The following ADAMTSL1 variants were observed in gnomAD, a reference collection of about 807,000 sequenced individuals.
ADAMTSL1 encodes ADAMTS-like protein 1.
Under a neutral mutation model 201.8 loss-of-function variants are expected in ADAMTSL1, and 126 were observed. The observed-to-expected ratio is 0.62, with a 90% CI of 0.54 to 0.72. The LOEUF is 0.72. ADAMTSL1 is among the 30% of genes least tolerant of loss of function. The pLI is 0.00. For synonymous variants in ADAMTSL1, 1,121 were observed against 903.4 expected, an observed-to-expected ratio of 1.24 and a Z score of -4.32; for missense variants, 2,679 against 2,277.8, an observed-to-expected ratio of 1.18 and a Z score of -3.59.
chr9:18,268,284 A>T (rs1484263363), intron 2 of ADAMTSL1, among the ~76,000 whole-genome samples: 1 of 152,200 alleles, frequency 6.6e-6, no homozygotes, highest in Non-Finnish European at 1.5e-5. Context: ...ATAGTATGTG[A>T]GCAAAATAAC....
chr9:18,526,167 T>G (rs147659745), intron 2 of ADAMTSL1, among the ~76,000 whole-genome samples: 2,716 of 152,336 alleles, frequency 0.018, 64 homozygotes, highest in African/African-American at 0.058. Context: ...TAGCTGCTGT[T>G]GTTGAATTGA....
chr9:18,504,543 A>G (rs1051551569), intron 1 of ADAMTSL1, among the ~76,000 whole-genome samples: 9 of 152,134 alleles, frequency 5.9e-5, no homozygotes, highest in African/African-American at 1.9e-4. Flanking sequence ...AATGCAATTG[A>G]TTGTCTTCTA....
intron 2 of ADAMTSL1, among the ~76,000 whole-genome samples, chr9:18,211,783 T>C (rs1381552973): frequency 6.6e-6 from 1 of 152,236 alleles, no homozygotes; most frequent in East Asian, 1.9e-4. Flanking sequence ...CTTTGCACTT[T>C]ACAAGTATTG....
intron 22 of ADAMTSL1, among the ~76,000 whole-genome samples, chr9:18,827,528 A>G (rs1824657460): frequency 6.6e-6 from 1 of 152,150 alleles, no homozygotes; most frequent in African/African-American, 2.4e-5. Context: ...TGGCTCAGAG[A>G]AAGATGTTAT....
At chr9:18,791,254 C>T (rs933727461) in intron 19 of ADAMTSL1, among the ~76,000 whole-genome samples, 15 of 152,114 alleles carry the variant, frequency 9.9e-5, no homozygotes, top group African/African-American at 3.4e-4. Context: ...TGCATGGGAC[C>T]CCCCTCCAGA....
At chr9:18,656,614 G>A (rs899263324) in intron 7 of ADAMTSL1, among the ~76,000 whole-genome samples, 12 of 121,546 alleles carry the variant, frequency 9.9e-5, no homozygotes, top group Non-Finnish European at 2.0e-4. Flanking sequence ...GAGCAACAGA[G>A]CAAGACTCCA....
chr9:18,639,205 G>C (rs774739164), intron 6 of ADAMTSL1, 49 bp from the exon 7 acceptor site: 1 of 1,589,648 alleles, frequency 6.3e-7, no homozygotes, highest in Admixed American at 1.7e-5. Flanking sequence ...CTTGCCTGTG[G>C]TTGCCCTAGG....
chr9:18,610,304 T>A (rs1179415090), intron 4 of ADAMTSL1, among the ~76,000 whole-genome samples: 1 of 152,236 alleles, frequency 6.6e-6, no homozygotes, highest in Admixed American at 6.5e-5. Flanking sequence ...TATGGCTTTT[T>A]CCGCTGGGAA....
intron 1 of ADAMTSL1, among the ~76,000 whole-genome samples, chr9:18,139,908 C>G (rs1826325224): frequency 6.6e-6 from 1 of 152,132 alleles, no homozygotes; most frequent in Non-Finnish European, 1.5e-5. Context: ...ATATCCTCCT[C>G]TGTCTCCAGA....
chr9:18,027,686 T>G lies in ADAMTSL1; in HGVS notation c.87+120764T>G, dbSNP rs369364121. ...CATGTGTAGATGAGAAAAATGTATA[T>G]TCTGTGGTTGTTGGATGGAATATTA... On this transcript the variant is annotated intron_variant, in intron 1 of 29. Transcript: ENST00000680146. 3.7e-4 allele frequency among the ~76,000 whole-genome samples: 57 copies of G among 152,142 alleles called. No homozygotes were observed. The East Asian group carries it at 4.1e-3, about 11-fold the overall frequency.
At chr9:18,467,588 A>G (rs1181312531) in intron 2 of ADAMTSL1, among the ~76,000 whole-genome samples, 1 of 152,214 alleles carries the variant, frequency 6.6e-6, no homozygotes, top group East Asian at 1.9e-4. Flanking sequence ...TTTTTAAAAA[A>G]TTGCAGTTAG....
intron 2 of ADAMTSL1, among the ~76,000 whole-genome samples, chr9:18,168,161 C>T (rs570139511): frequency 7.2e-5 from 11 of 151,752 alleles, no homozygotes; most frequent in South Asian, 4.2e-4. Context: ...ATGTGCACAA[C>T]GTGCAGGTTT....
chr9:18,266,253 T>A (rs1448702375), intron 2 of ADAMTSL1, among the ~76,000 whole-genome samples: 1 of 152,194 alleles, frequency 6.6e-6, no homozygotes, highest in Non-Finnish European at 1.5e-5. Flanking sequence ...CTAGGTGAAC[T>A]GTGGTTTGGT....
At chr9:18,131,864 A>G (rs1247597583) in intron 1 of ADAMTSL1, among the ~76,000 whole-genome samples, 12 of 151,906 alleles carry the variant, frequency 7.9e-5, no homozygotes, top group African/African-American at 2.9e-4. Flanking sequence ...TCATCTATTT[A>G]AAAAAAATGT....
At chr9:18,451,778 G>C (rs1023983127) in intron 2 of ADAMTSL1, among the ~76,000 whole-genome samples, 2 of 152,240 alleles carry the variant, frequency 1.3e-5, no homozygotes, top group Admixed American at 1.3e-4. Context: ...AAAGAAGAGA[G>C]ATTTATTTCT....
upstream of ADAMTSL1, chr9:18,474,103 T>G: frequency 2.5e-6 from 1 of 403,614 alleles, no homozygotes; most frequent in South Asian, 2.1e-5. Flanking sequence ...GGTCAGGAAA[T>G]GTGAGAGGGG....
chr9:18,666,746 G>A (rs948899807), intron 9 of ADAMTSL1, among the ~76,000 whole-genome samples: 1 of 152,124 alleles, frequency 6.6e-6, no homozygotes, highest in Admixed American at 6.6e-5. Flanking sequence ...GTATAAGCCT[G>A]TGGTTCAGCA....
chr9:18,225,996 T>C (rs1264759698), intron 2 of ADAMTSL1, among the ~76,000 whole-genome samples: 2 of 152,086 alleles, frequency 1.3e-5, no homozygotes, highest in Non-Finnish European at 2.9e-5. Context: ...AAAATTTATG[T>C]TTTTGAGGAA....
chr9:18,396,026 T>C (rs1817738933), intron 2 of ADAMTSL1, among the ~76,000 whole-genome samples: 1 of 152,214 alleles, frequency 6.6e-6, no homozygotes, highest in Admixed American at 6.6e-5. Flanking sequence ...AGTAGACCAT[T>C]GATGCTGAGA....
Sources: allele counts gnomAD v4.1 joint callset (sites outside exome capture counted in the v4.1 genomes callset), GRCh38; gene constraint gnomAD v4.1.1; transcripts MANE v1.5; gene names NCBI Gene and HGNC (gene_info 2026-07-23, HGNC 2026-07-21).